The following ATP2B2 variants were observed in gnomAD, a reference collection of about 807,000 sequenced individuals.
ATP2B2 encodes ATPase plasma membrane Ca2+ transporting 2.
In ATP2B2, 15 loss-of-function variants were observed where a neutral mutation model predicts 120.0. The ratio of observed to expected loss-of-function variants is 0.12; its 90% CI spans 0.08 to 0.19. The LOEUF is 0.19. ATP2B2 is among the 10% of genes least tolerant of loss of function. The probability of loss-of-function intolerance (pLI) is 1.00; values close to 1 mark genes in which losing one functional copy is unlikely to be tolerated. For synonymous variants in ATP2B2, 694 were observed against 700.3 expected (o/e 0.99, Z 0.14); for missense variants, 1,045 against 1,719.8 (o/e 0.61, Z 6.94).
At chr3:10,542,893 A>T (rs2067469837) in intron 2 of ATP2B2, among the ~76,000 whole-genome samples, 1 of 151,906 alleles carries the variant, frequency 6.6e-6, no homozygotes, top group Non-Finnish European at 1.5e-5. Context: ...CAAATTTGGG[A>T]TTTTTTGGCC....
At chr3:10,389,545 C>T (rs764911870) in intron 5 of ATP2B2, among the ~76,000 whole-genome samples, 1 of 151,990 alleles carries the variant, frequency 6.6e-6, no homozygotes, top group Non-Finnish European at 1.5e-5. Context: ...GCATGAGGTC[C>T]CCTGAGTCAT....
intron 1 of ATP2B2, among the ~76,000 whole-genome samples, chr3:10,705,542 GT>G (rs1329229716): frequency 1.3e-5 from 2 of 152,198 alleles, no homozygotes; most frequent in African/African-American, 2.4e-5. Flanking sequence ...CTGCCTACAA[GT>G]CCTCTTGGAG....
At chr3:10,566,315 T>C (rs1463178921) in intron 2 of ATP2B2, 1 of 152,236 alleles carries the variant, frequency 6.6e-6, no homozygotes, top group African/African-American at 2.4e-5. Flanking sequence ...CAGGGCAGGA[T>C]TCAGTACAGG....
At chr3:10,601,060 G>T (rs755203774) in intron 2 of ATP2B2, among the ~76,000 whole-genome samples, 1 of 152,140 alleles carries the variant, frequency 6.6e-6, no homozygotes, top group African/African-American at 2.4e-5. Flanking sequence ...GACCCCTGTG[G>T]GTCTGTGAGC....
At chr3:10,444,306 T>C (rs1011528200) in intron 2 of ATP2B2, among the ~76,000 whole-genome samples, 1 of 152,166 alleles carries the variant, frequency 6.6e-6, no homozygotes, top group African/African-American at 2.4e-5. Context: ...GATCCTTGGG[T>C]TGACAGAACA....
intron 1 of ATP2B2, among the ~76,000 whole-genome samples, chr3:10,686,917 A>T (rs1042523744): frequency 6.6e-6 from 1 of 152,228 alleles, no homozygotes. Context: ...GCCACCTAAT[A>T]TGTCCATTTT....
chr3:10,685,969 T>A (rs916804658), intron 1 of ATP2B2, among the ~76,000 whole-genome samples: 2 of 151,992 alleles, frequency 1.3e-5, no homozygotes, highest in African/African-American at 2.4e-5. Flanking sequence ...CTCATTCTCC[T>A]CTTGGGGCTA....
chr3:10,581,042 C>T (rs1010154503), intron 2 of ATP2B2, among the ~76,000 whole-genome samples: 3 of 152,220 alleles, frequency 2.0e-5, no homozygotes, highest in African/African-American at 7.2e-5. Context: ...ATTTTCACAA[C>T]AACCCTACAG....
chr3:10,643,163 A>T (rs550763658), intron 1 of ATP2B2, among the ~76,000 whole-genome samples: 26 of 152,364 alleles, frequency 1.7e-4, no homozygotes, highest in African/African-American at 6.3e-4. Flanking sequence ...CAAATCTGGG[A>T]TGATGTGAGC....
chr3:10,591,320 A>C (rs1466055075), intron 2 of ATP2B2, among the ~76,000 whole-genome samples: 3 of 152,054 alleles, frequency 2.0e-5, no homozygotes, highest in Non-Finnish European at 4.4e-5. Flanking sequence ...TGCCCTCATC[A>C]ATCTGTCCTC....
intron 2 of ATP2B2, among the ~76,000 whole-genome samples, chr3:10,595,026 C>A (rs944687099): frequency 1.3e-5 from 2 of 152,214 alleles, no homozygotes; most frequent in African/African-American, 4.8e-5. Flanking sequence ...GGAGACAGAC[C>A]AATTCAAAGT....
chr3:10,606,577 T>G (rs1251856130), intron 2 of ATP2B2, among the ~76,000 whole-genome samples: 1 of 152,138 alleles, frequency 6.6e-6, no homozygotes, highest in African/African-American at 2.4e-5. Context: ...TAGTTAACTC[T>G]GGAAGTCAGT....
At chr3:10,425,287 G>A (rs1196560027) in intron 2 of ATP2B2, among the ~76,000 whole-genome samples, 1 of 151,890 alleles carries the variant, frequency 6.6e-6, no homozygotes, top group Non-Finnish European at 1.5e-5. Context: ...TCCAGCATGG[G>A]TGACAGAGCG....
intron 2 of ATP2B2, among the ~76,000 whole-genome samples, chr3:10,611,492 T>A (rs1484769200): frequency 6.6e-6 from 1 of 152,118 alleles, no homozygotes; most frequent in African/African-American, 2.4e-5. Flanking sequence ...ATCTGCACTC[T>A]CCCCTGGCCA....
chr3:10,581,568 G>A (rs1393144515), intron 2 of ATP2B2, among the ~76,000 whole-genome samples: 7 of 152,228 alleles, frequency 4.6e-5, no homozygotes, highest in African/African-American at 1.7e-4. Flanking sequence ...AGGCTGCCAA[G>A]TCCACAGGCA....
At chr3:10,453,367 TCC>T (rs2064134198) in intron 1 of ATP2B2, among the ~76,000 whole-genome samples, 1 of 152,230 alleles carries the variant, frequency 6.6e-6, no homozygotes, top group Non-Finnish European at 1.5e-5. Context: ...TTATTGTCAA[TCC>T]ATAAAAGCGC....
intron 1 of ATP2B2, among the ~76,000 whole-genome samples, chr3:10,698,878 C>A (rs2071778295): frequency 6.6e-6 from 1 of 152,200 alleles, no homozygotes; most frequent in Non-Finnish European, 1.5e-5. Flanking sequence ...TGGTGAGGCT[C>A]CAAAGGGACT....
chr3:10,532,398 C>T lies in ATP2B2; in HGVS notation c.-320+1641G>A, dbSNP rs1386965414. Among the ~76,000 whole-genome samples the T allele has an allele frequency of 4.6e-5, 7 of 152,172 alleles. No individual in the cohort carries two copies. In the East Asian group the frequency reaches 1.3e-3, roughly 29 times the overall value. On this transcript the variant is annotated intron_variant, in intron 3 of 21. Coordinates refer to the ATP2B2 transcript ENST00000646379. ...ATGATGCATCTTTGTTATTATATAA[C>T]AAAACAGGTTGAATTCCATGGTGAA...
In ATP2B2 at chr3:10,342,342, C is replaced by A. The variant is rs2060302028; in HGVS notation, c.2917+410G>T. Among the ~76,000 whole-genome samples the A allele has an allele frequency of 6.6e-6, 1 of 152,054 alleles. No individual in the cohort carries two copies. The highest frequency in any genetic ancestry group is 1.5e-5 in the Non-Finnish European group (1 of 67,966). On this transcript the variant is annotated intron_variant, in intron 19 of 22. Transcript: ENST00000360273. The surrounding 1 kb of genome is among the most constrained non-coding windows in gnomAD (Gnocchi z 4.4). ...TGGTGGTGTGAGCGTGTATGCCCTG[C>A]CCCAGGAAGCCTTGCTGAGGGTCCC...
Sources: allele counts gnomAD v4.1 joint callset (sites outside exome capture counted in the v4.1 genomes callset), GRCh38; gene constraint gnomAD v4.1.1; non-coding constraint Gnocchi (gnomAD v3.1); transcripts MANE v1.5; gene names NCBI Gene and HGNC (gene_info 2026-07-23, HGNC 2026-07-21).